Variants in PSD3 observed in about 807,000 individuals in gnomAD.
PSD3 encodes pleckstrin and Sec7 domain containing 3.
PSD3 carries 49 observed loss-of-function variants against 105.5 expected under a neutral mutation model. The ratio of observed to expected loss-of-function variants is 0.46; its 90% confidence interval spans 0.37 to 0.59. The LOEUF (loss-of-function observed/expected upper bound fraction) is 0.59, where lower values mean the gene tolerates loss of function less well. Ranked by LOEUF, PSD3 falls within the 20% of genes least tolerant of loss-of-function variation. The probability of loss-of-function intolerance (pLI) is 0.00; values close to 1 mark genes in which losing one functional copy is unlikely to be tolerated. For synonymous variants in PSD3, 557 were observed against 457.8 expected (o/e 1.22, Z -2.77); for missense variants, 1,561 against 1,263.8 (o/e 1.24, Z -3.57).
chr8:18,556,401 A>G (rs1801077515), intron 14 of PSD3, 49 bp from the exon 15 acceptor site: 5 of 1,557,018 alleles, frequency 3.2e-6, no homozygotes, highest in African/African-American at 2.7e-5. Flanking sequence ...AAACAAGTCA[A>G]TAACAAAGCA....
intron 2 of PSD3, among the ~76,000 whole-genome samples, chr8:18,905,813 C>G (rs1435734059): frequency 1.3e-5 from 2 of 152,010 alleles, no homozygotes; most frequent in African/African-American, 2.4e-5. Context: ...AAATAATTCA[C>G]GAATATAGGC....
intron 4 of PSD3, among the ~76,000 whole-genome samples, chr8:18,807,280 G>C (rs1479573729): frequency 6.6e-6 from 1 of 152,160 alleles, no homozygotes; most frequent in Non-Finnish European, 1.5e-5. Context: ...ACAACCAGCT[G>C]GTATAACAAG....
intron 1 of PSD3, among the ~76,000 whole-genome samples, chr8:18,938,619 G>A (rs79709471): frequency 0.052 from 5,823 of 112,032 alleles, 163 homozygotes; most frequent in South Asian, 0.094. Flanking sequence ...GCGAAAATCC[G>A]TCTCAAACAA....
At chr8:18,789,317 A>T (rs1327612015) in intron 8 of PSD3, among the ~76,000 whole-genome samples, 4 of 152,234 alleles carry the variant, frequency 2.6e-5, no homozygotes, top group African/African-American at 9.6e-5. Flanking sequence ...GACTATAAAC[A>T]CAAACAGATA....
intron 1 of PSD3, chr8:18,940,416 G>A (rs1278832459): frequency 2.6e-5 from 4 of 152,170 alleles, no homozygotes; most frequent in East Asian, 1.9e-4. Flanking sequence ...TAAAGCTTCC[G>A]AATGAAGCCG....
chr8:18,867,570 GA>G (rs1467905002), intron 4 of PSD3, 103 bp downstream of exon 4: 13 of 1,403,634 alleles, frequency 9.3e-6, no homozygotes, highest in Non-Finnish European at 1.1e-5. Context: ...TATGTCCACA[GA>G]AATTGGCCAA....
At chr8:18,616,227 A>T (rs957494868) in intron 11 of PSD3, among the ~76,000 whole-genome samples, 3 of 152,206 alleles carry the variant, frequency 2.0e-5, no homozygotes, top group African/African-American at 7.2e-5. Flanking sequence ...AACTCAGACC[A>T]CGTTTCTTCC....
intron 9 of PSD3, among the ~76,000 whole-genome samples, chr8:18,727,388 A>C (rs898558321): frequency 1.3e-5 from 2 of 150,972 alleles, no homozygotes; most frequent in African/African-American, 2.4e-5. Context: ...GGACACCTGT[A>C]ATCGCAGCTA....
chr8:18,867,782 G>A lies in PSD3; in HGVS notation c.1526C>T (p.Ala509Val). ...GGHQDILSVSADGGIVMGYSS... is the reference protein window; with the variant it reads ...GGHQDILSVSVDGGIVMGYSS... ...ATAGCCCATCACGATGCCACCATCT[G>A]CAGACACACTCAGGATATCCTGATG... The change falls in exon 4 of 16, where the codon GCA (alanine) becomes GTA (valine). Residue 509 changes from alanine (A) to valine (V), a missense_variant. Transcript: ENST00000327040. 6.2e-7 allele frequency: 1 copy of A among 1,614,132 alleles called. No individual in the cohort carries two copies. Among genetic ancestry groups the A allele is most frequent in the Non-Finnish European group, 8.5e-7 (1 of 1,180,020 alleles).
At chr8:18,733,246 CT>C (rs1474494542) in intron 9 of PSD3, 6 of 152,020 alleles carry the variant, frequency 3.9e-5, no homozygotes, top group African/African-American at 1.4e-4. Flanking sequence ...AGGAAAATCT[CT>C]TTTTTTAAAA....
intron 2 of PSD3, chr8:18,924,800 T>C (rs1334907079): frequency 6.6e-6 from 1 of 152,226 alleles, no homozygotes; most frequent in East Asian, 1.9e-4. Flanking sequence ...ATTCAGCTTC[T>C]TCTTTGCACT....
rs17126753 is a variant in PSD3 at position 18,529,451 on chromosome 8, T to C, written c.*6292A>G. The C allele has an allele frequency of 0.032, 4,949 of 152,438 alleles. 162 individuals carry two copies. The highest frequency in any genetic ancestry group is 0.087 in the African/African-American group (3,617 of 41,466). The allele number at this position is 152,438 out of a possible 1,614,324, so 9.4% of individuals were successfully genotyped here. A position where few individuals can be genotyped will look rare whatever the true frequency, so the allele number is the denominator to read the frequency against. The stretch of plus-strand genomic sequence containing the variant: ...CAAGCATGTGTACACATGTCAGAGG[T>C]CCCAGACATGTCAACTTTTCTCCTT... On this transcript the variant is annotated 3_prime_UTR_variant, in exon 16 of 16. Transcript: ENST00000327040.
chr8:18,784,156 A>C (rs1297911212), intron 8 of PSD3, among the ~76,000 whole-genome samples: 2 of 152,042 alleles, frequency 1.3e-5, no homozygotes, highest in Non-Finnish European at 2.9e-5. Context: ...CTCTCCTGTC[A>C]TCAGGTATCT....
chr8:18,885,743 A>G (rs1818411267), intron 2 of PSD3, among the ~76,000 whole-genome samples: 1 of 152,228 alleles, frequency 6.6e-6, no homozygotes, highest in African/African-American at 2.4e-5. Flanking sequence ...TCCCAAGTAT[A>G]TCTAGAAATG....
At chr8:18,601,270 G>A (rs1179659918) in intron 11 of PSD3, among the ~76,000 whole-genome samples, 1 of 152,072 alleles carries the variant, frequency 6.6e-6, no homozygotes, top group Non-Finnish European at 1.5e-5. Flanking sequence ...AACAGTTTAG[G>A]ATTTATTATC....
At chr8:18,780,704 C>T (rs750184721) in intron 8 of PSD3, among the ~76,000 whole-genome samples, 2 of 152,050 alleles carry the variant, frequency 1.3e-5, no homozygotes, top group Non-Finnish European at 2.9e-5. Flanking sequence ...CAGGTGCCTG[C>T]CACCAAGCCT....
chr8:18,719,323 G>T (rs1188290789), intron 9 of PSD3, among the ~76,000 whole-genome samples: 1 of 152,248 alleles, frequency 6.6e-6, no homozygotes, highest in Admixed American at 6.5e-5. Context: ...CTGAAACTGA[G>T]TTTATGGCTT....
At chr8:18,682,744 C>G (rs573858807) in intron 9 of PSD3, among the ~76,000 whole-genome samples, 2 of 151,958 alleles carry the variant, frequency 1.3e-5, no homozygotes, top group South Asian at 4.2e-4. Context: ...CTGTTAATGC[C>G]AAAGTCTTTC....
chr8:18,784,700 C>T (rs1471156054), intron 8 of PSD3, among the ~76,000 whole-genome samples: 1 of 152,112 alleles, frequency 6.6e-6, no homozygotes, highest in African/African-American at 2.4e-5. Context: ...TATAGATAAA[C>T]AGTGAGATAA....
Sources: allele counts gnomAD v4.1 joint callset (sites outside exome capture counted in the v4.1 genomes callset), GRCh38; gene constraint gnomAD v4.1.1; transcripts MANE v1.5; gene names NCBI Gene and HGNC (gene_info 2026-07-23, HGNC 2026-07-21).